The following MOV10L1 variants were observed in gnomAD, a reference collection of about 807,000 sequenced individuals.
MOV10L1 encodes the protein RNA helicase Mov10l1.
In MOV10L1, 110 loss-of-function variants were observed where a neutral mutation model predicts 143.8. The ratio of observed to expected loss-of-function variants is 0.76; its 90% CI spans 0.66 to 0.90. MOV10L1 has a LOEUF of 0.90. Among genes scored for constraint, MOV10L1 ranks in the 40% least tolerant of loss-of-function variants. MOV10L1 has a pLI of 0.00. For missense variants in MOV10L1, 1,406 were observed against 1,526.8 expected (o/e 0.92, Z 1.32); for synonymous variants, 593 against 581.1 (o/e 1.02, Z -0.29).
rs200179700 is a variant in MOV10L1, at chr22:50,128,512, T to C, written c.1910+5T>C. 8 of 1,314,170 alleles carry C rather than the reference T, an allele frequency of 6.1e-6. No individual in the cohort carries two copies. Among genetic ancestry groups the C allele is most frequent in the African/African-American group, 1.5e-5 (1 of 66,460 alleles). 81.4% of individuals were successfully genotyped at this position (1,314,170 alleles called of 1,614,324 possible). On this transcript the variant is annotated splice_donor_5th_base_variant and intron_variant, in intron 13 of 26. Transcript: ENST00000262794. ...TGTGGAATTTACATATAATAGGTAA[T>C]GCTTTTAGTGAGTCTTCTTTCAAAT...
Position 50,158,774 on chromosome 22 carries a change from C to A in MOV10L1, c.3216+568C>A, listed in dbSNP as rs1206410730. 1 of 152,734 alleles carries A rather than the reference C, an allele frequency of 6.5e-6. No homozygotes were observed. The highest frequency in any genetic ancestry group is 1.5e-5 in the Non-Finnish European group (1 of 68,522). The allele number at this position is 152,734 out of a possible 1,614,324, so 9.5% of individuals were successfully genotyped here. ...CACCAAGCAGAACTTGGAAAGAACC[C>A]CCAAAATACAGAAGAAAAGGTGAGT... On this transcript the variant is annotated intron_variant, in intron 23 of 26. Transcript: ENST00000262794. The surrounding 1 kb of genome is among the most constrained non-coding windows in gnomAD (Gnocchi z 5.0).
chr22:50,117,140 A>G lies in MOV10L1; in HGVS notation c.1260-17A>G. On this transcript the variant is annotated splice_polypyrimidine_tract_variant and intron_variant, in intron 8 of 26. Coordinates refer to ENST00000262794, the MANE Select transcript of MOV10L1 (RefSeq NM_018995.3). ...TTATTTATGACTAAAACTAAATTTCATTTTGTTTTTTTCAAGAAATCCTGG... is the reference window on the plus strand; with the variant it reads ...TTATTTATGACTAAAACTAAATTTCGTTTTGTTTTTTTCAAGAAATCCTGG... 6.3e-7 allele frequency: 1 copy of G among 1,587,730 alleles called. No individual in the cohort carries two copies. The highest frequency in any genetic ancestry group is 8.6e-7 in the Non-Finnish European group (1 of 1,168,030).
chr22:50,106,319 C>T (rs1228814588), intron 3 of MOV10L1, among the ~76,000 whole-genome samples: 1 of 120,040 alleles, frequency 8.3e-6, no homozygotes, highest in East Asian at 2.3e-4. Flanking sequence ...CACACCCCAA[C>T]TAATTCTTTT....
At chr22:50,161,217 T>G (rs564659207) in intron 26 of MOV10L1, 151 bp from the exon 27 acceptor site, 22 of 990,318 alleles carry the variant, frequency 2.2e-5, no homozygotes, top group South Asian at 3.1e-5. Flanking sequence ...AGCCACTGTT[T>G]CCTGGACATT....
Position 50,099,479 on chromosome 22 carries a change from A to C in MOV10L1, c.319A>C (p.Arg107=), listed in dbSNP as rs1177686057. Reference sequence around the variant, plus strand: ...CTCTGATAAGTGGGAAGACGACAGCAGAAACCATGGGAGTCCCTCAGACTG... The same window carrying C: ...CTCTGATAAGTGGGAAGACGACAGCCGAAACCATGGGAGTCCCTCAGACTG... ...AVSDKWEDDS[R]NHGSPSDCGP... Residue 107 remains arginine, a synonymous_variant, in exon 3 of 27, where the codon AGA becomes CGA. Transcript: ENST00000262794. 1 of 1,614,200 alleles carries C rather than the reference A, an allele frequency of 6.2e-7. No individual in the cohort carries two copies.
At position 50,120,548 on chromosome 22, in the gene MOV10L1, C is replaced by T. The variant is rs753507458; in HGVS notation, c.1501C>T (p.Pro501Ser). 1.2e-6 allele frequency: 2 copies of T among 1,613,352 alleles called. No individual in the cohort carries two copies. The highest frequency in any genetic ancestry group is 1.7e-6 in the Non-Finnish European group (2 of 1,179,680). Residue 501 changes from proline to serine, a missense_variant, in exon 10 of 27, where the codon CCA becomes TCA. Around this residue, in one of 3 missense-constraint regions of MOV10L1, gnomAD observed 1,233 missense variants for 1,351.4 expected, o/e 0.91. Coordinates refer to ENST00000262794, the MANE Select transcript of MOV10L1 (RefSeq NM_018995.3). ...AAGTTTTCTTCCCCAATATCCAATC[C>T]CAGATAGACTTAGAAAATGTGTGGA... is the stretch of plus-strand genomic sequence containing the variant. Reference protein sequence around the residue: ...LPSFLPQYPIPDRLRKCVEQK... With the variant: ...LPSFLPQYPISDRLRKCVEQK...
Position 50,106,381 on chromosome 22 carries a change from G to T in MOV10L1, c.443-1755G>T, listed in dbSNP as rs938025378. On this transcript the variant is annotated intron_variant, in intron 3 of 26. Transcript: ENST00000262794. ...GGATCTTACTGTGTTGCCCAGGCTG[G>T]TCTCAAACTCCTGGGCTCAAGTGAT... Among the ~76,000 whole-genome samples the T allele has an allele frequency of 3.2e-4, 45 of 141,346 alleles. 2 individuals are homozygous for T. The highest frequency in any genetic ancestry group is 4.5e-5 in the Non-Finnish European group (3 of 66,296). 92.7% of individuals were successfully genotyped at this position (141,346 alleles called of 152,430 possible).
chr22:50,127,980 A>G (rs1602249858), intron 12 of MOV10L1, among the ~76,000 whole-genome samples: 2 of 152,252 alleles, frequency 1.3e-5, no homozygotes, highest in Admixed American at 1.3e-4. Flanking sequence ...CCCGTTGGCC[A>G]GGCTGGTCTC....
chr22:50,108,668 T>C lies in MOV10L1; in HGVS notation c.567T>C (p.Ser189=). The change falls in exon 5 of 27, where the codon TCT becomes TCC. Residue 189 remains serine (S), a synonymous_variant. Coordinates refer to ENST00000262794, the MANE Select transcript of MOV10L1 (RefSeq NM_018995.3). ...RYKRVDKVCI[S]SLCGRNGVLE... ...CTCTCTGCTCCCAGGTCTGCATCTC[T>C]AGCCTCTGTGGAAGGAACGGGGTGT... 1.9e-6 allele frequency: 3 copies of C among 1,614,150 alleles called. No individual in the cohort carries two copies. Among genetic ancestry groups the C allele is most frequent in the Non-Finnish European group, 2.5e-6 (3 of 1,180,004 alleles).
chr22:50,121,284 G>A (rs142366394), intron 10 of MOV10L1, among the ~76,000 whole-genome samples: 49 of 152,246 alleles, frequency 3.2e-4, no homozygotes, highest in African/African-American at 1.1e-3. Context: ...CGCCCTTCAG[G>A]GGATCCTTTC....
At position 50,159,781 on chromosome 22, in the gene MOV10L1, C is replaced by T. The variant is rs2063509314; in HGVS notation, c.3320C>T (p.Ser1107Leu). Residue 1107 changes from serine (S) to leucine (L), a missense_variant, in exon 24 of 27, where the codon TCG becomes TTG. Ser to Leu is a moderately radical substitution (Grantham distance 145, BLOSUM62 -2). Transcript: ENST00000262794. This position sits in a 1 kb window ranked among gnomAD's most constrained non-coding sequence, Gnocchi z 4.1. The stretch of plus-strand genomic sequence containing the variant: ...CAAGAGTATCTGGTCATCATCATTT[C>T]GACCGTAGGTATCCCTGTTCTCCGT... ...QGQEYLVIIISTVRSNEDRFE... is the reference protein window; with the variant it reads ...QGQEYLVIIILTVRSNEDRFE... The T allele has an allele frequency of 4.4e-6, 7 of 1,603,758 alleles. No individual in the cohort carries two copies. The highest frequency in any genetic ancestry group is 1.7e-4 in the Middle Eastern group (1 of 6,034).
At chr22:50,157,447 A>G (rs2147019692) in intron 22 of MOV10L1, among the ~76,000 whole-genome samples, 1 of 152,222 alleles carries the variant, frequency 6.6e-6, no homozygotes, top group East Asian at 1.9e-4. Flanking sequence ...TTTTCCTCCA[A>G]GAATTTTATG....
intron 24 of MOV10L1, 56 bp from the exon 25 acceptor site, chr22:50,160,632 T>C: frequency 1.3e-6 from 2 of 1,569,736 alleles, no homozygotes; most frequent in Non-Finnish European, 1.7e-6. Context: ...AGAGTTTCTC[T>C]TCATGCCCCC....
In MOV10L1 at chr22:50,158,017, T is replaced by G; in HGVS notation, c.3067-40T>G. ...CTGGATTGTAGCCTTCTGGTGAATA[T>G]TCATGAAGTAAAGTAGGTTTTCTCT... On this transcript the variant is annotated intron_variant, in intron 22 of 26. Transcript: ENST00000262794. The surrounding 1 kb of genome is among the most constrained non-coding windows in gnomAD (Gnocchi z 5.0). 6.3e-7 allele frequency: 1 copy of G among 1,588,284 alleles called. No individual in the cohort carries two copies.
Position 50,108,207 on chromosome 22 carries a change from G to C in MOV10L1, c.514G>C (p.Ala172Pro). The C allele has an allele frequency of 6.2e-7, 1 of 1,614,064 alleles. No homozygotes were observed. The highest frequency in any genetic ancestry group is 8.5e-7 in the Non-Finnish European group (1 of 1,180,016). Residue 172 changes from alanine (A) to proline (P), a missense_variant, in exon 4 of 27, where the codon GCC becomes CCC. Around this residue, in one of 3 missense-constraint regions of MOV10L1, gnomAD observed 1,233 missense variants for 1,351.4 expected, o/e 0.91. Coordinates refer to ENST00000262794, the MANE Select transcript of MOV10L1 (RefSeq NM_018995.3). ...CCGGCCTGGCACGTGGAGCAGCGAA[G>C]CCACCTCAGTGAAGCCACTGAGATA... ...RIRPGTWSSE[A>P]TSVKPLRYKR...
chr22:50,143,274 C>T (rs1352602435), intron 17 of MOV10L1, 53 bp downstream of exon 17: 19 of 1,565,866 alleles, frequency 1.2e-5, no homozygotes, highest in Admixed American at 5.0e-5. Flanking sequence ...GTTCATGTGT[C>T]GTCTGTGTCT....
chr22:50,094,699 T>C (rs2062544563), intron 2 of MOV10L1: 1 of 152,174 alleles, frequency 6.6e-6, no homozygotes, highest in Non-Finnish European at 1.5e-5. Flanking sequence ...TGCCCAGCGA[T>C]TTTTAAATGT....
intron 22 of MOV10L1, among the ~76,000 whole-genome samples, chr22:50,157,506 C>G (rs1466880613): frequency 3.9e-5 from 6 of 152,120 alleles, no homozygotes; most frequent in African/African-American, 1.4e-4. Context: ...GTTTCTGTTT[C>G]CAGGTGGTGT....
At chr22:50,138,127 T>G (rs1226263095) in intron 15 of MOV10L1, among the ~76,000 whole-genome samples, 2 of 152,154 alleles carry the variant, frequency 1.3e-5, no homozygotes, top group African/African-American at 4.8e-5. Flanking sequence ...AGGAAATTTC[T>G]TTTACCTACA....
Sources: allele counts gnomAD v4.1 joint callset (sites outside exome capture counted in the v4.1 genomes callset), GRCh38; gene constraint gnomAD v4.1.1; regional missense constraint gnomAD v4.1.1; non-coding constraint Gnocchi (gnomAD v3.1); transcripts MANE v1.5; gene names NCBI Gene and HGNC (gene_info 2026-07-23, HGNC 2026-07-21).